Variants in OLFML2A observed in about 807,000 individuals in gnomAD.
The protein encoded by OLFML2A is olfactomedin-like protein 2A.
A neutral mutation model predicts 60.9 loss-of-function variants in OLFML2A; 47 were observed. That is an observed-to-expected ratio of 0.77 (90% CI 0.61 to 0.98). OLFML2A has a LOEUF of 0.98. Among genes scored for constraint, OLFML2A ranks in the 50% least tolerant of loss-of-function variants. The probability of loss-of-function intolerance (pLI) is 0.00; values close to 1 mark genes in which losing one functional copy is unlikely to be tolerated. For missense variants in OLFML2A, 922 were observed against 879.8 expected (o/e 1.05, Z -0.61); for synonymous variants, 372 against 375.0 (o/e 0.99, Z 0.09).
intron 7 of OLFML2A, among the ~76,000 whole-genome samples, chr9:124,809,252 C>T (rs975902639): frequency 1.3e-4 from 20 of 152,140 alleles, no homozygotes; most frequent in Non-Finnish European, 2.4e-4. Context: ...GCTCAAGCAG[C>T]GCACAGGGTG....
intron 5 of OLFML2A, among the ~76,000 whole-genome samples, chr9:124,802,638 G>C (rs751854854): frequency 3.3e-5 from 5 of 152,270 alleles, no homozygotes; most frequent in Admixed American, 6.5e-5. Flanking sequence ...AGCAAGGCCT[G>C]TGGGAACAGG....
chr9:124,813,919 A>C lies in OLFML2A; in HGVS notation c.*3507A>C. The C allele has an allele frequency of 6.6e-6, 1 of 152,152 alleles. No homozygotes were observed. The highest frequency in any genetic ancestry group is 1.5e-5 in the Non-Finnish European group (1 of 68,032). 9.4% of individuals were successfully genotyped at this position (152,152 alleles called of 1,614,324 possible). ...GGCTTTGTTGCTTTTGGCAAAAGGT[A>C]CTTCAAACAAGGGAGGGCCTGGACT... is the stretch of plus-strand genomic sequence containing the variant. On this transcript the variant is annotated 3_prime_UTR_variant, in exon 8 of 8. Transcript: ENST00000373580.
rs766357503 is a variant in OLFML2A, at chr9:124,810,148, G to A, written c.1695G>A (p.Thr565=). The part of the protein sequence containing the change: ...PGDLSVHRET[T]WKTRLRRNSY... ...ATCTCTCCGTGCACCGGGAGACCAC[G>A]TGGAAGACACGGCTGCGGCGGAACT... The change falls in exon 8 of 8, where the codon ACG becomes ACA. Residue 565 remains threonine, a synonymous_variant. Coordinates refer to ENST00000373580, the MANE Select transcript of OLFML2A (RefSeq NM_182487.4). The A allele has an allele frequency of 2.5e-6, 4 of 1,613,826 alleles. No individual in the cohort carries two copies. The highest frequency in any genetic ancestry group is 2.2e-5 in the South Asian group (2 of 91,086).
intron 3 of OLFML2A, among the ~76,000 whole-genome samples, chr9:124,795,475 T>C (rs961048426): frequency 5.3e-5 from 8 of 152,196 alleles, no homozygotes; most frequent in Non-Finnish European, 2.9e-5. Flanking sequence ...GATTCCTTGG[T>C]GGCTGGGCAT....
In OLFML2A at chr9:124,787,158, G is replaced by A. The variant is rs147454300; in HGVS notation, c.274G>A (p.Ala92Thr). 60 of 1,614,114 alleles carry A rather than the reference G, an allele frequency of 3.7e-5. No homozygotes were observed. In the African/African-American group the frequency reaches 7.1e-4, roughly 19 times the overall value. Residue 92 changes from alanine (A) to threonine (T), a missense_variant, in exon 2 of 8, where the codon GCA (alanine) becomes ACA (threonine). Transcript: ENST00000373580. The stretch of plus-strand genomic sequence containing the variant: ...CACTGACTGCCGCTGCTCCTGTACC[G>A]CACCTCCCTCCTCTCTCAACCCCTG... ...SGTDCRCSCT[A>T]PPSSLNPCEN...
chr9:124,800,973 C>A, intron 4 of OLFML2A: 1 of 1,546,448 alleles, frequency 6.5e-7, no homozygotes, highest in Non-Finnish European at 8.8e-7. Context: ...TAGGAATGTT[C>A]CAGGCACTCT....
chr9:124,806,027 A>G (rs1841891794), intron 6 of OLFML2A, among the ~76,000 whole-genome samples: 1 of 151,342 alleles, frequency 6.6e-6, no homozygotes, highest in African/African-American at 2.4e-5. Context: ...TGTTGACCAC[A>G]CTGGTCCTGA....
intron 3 of OLFML2A, among the ~76,000 whole-genome samples, chr9:124,797,543 A>G (rs1047316182): frequency 6.6e-6 from 1 of 152,228 alleles, no homozygotes; most frequent in Admixed American, 6.5e-5. Flanking sequence ...GACGTCAATC[A>G]CTTTTAGGTT....
In OLFML2A at chr9:124,804,252, GCCA is replaced by G. The variant is rs746934790; in HGVS notation, c.1090_1092del (p.Thr364del). 254 of 1,606,886 alleles carry G rather than the reference GCCA, an allele frequency of 1.6e-4. No individual in the cohort carries two copies. In the African/African-American group the frequency reaches 2.6e-3, roughly 17 times the overall value. ...TTCTGGCACCCCCACTTCAATCCCT[GCCA>G]CCACCACCACCGCCACCACCACCCC... On this transcript the variant is annotated inframe_deletion, in exon 6 of 8. Transcript: ENST00000373580.
At chr9:124,795,724 G>A (rs1056665947) in intron 3 of OLFML2A, among the ~76,000 whole-genome samples, 3 of 152,192 alleles carry the variant, frequency 2.0e-5, no homozygotes, top group Non-Finnish European at 2.9e-5. Context: ...GCAGTGAACC[G>A]AGATCGTGCC....
intron 1 of OLFML2A, among the ~76,000 whole-genome samples, chr9:124,783,135 G>A (rs1034442445): frequency 3.3e-5 from 5 of 150,972 alleles, no homozygotes; most frequent in Admixed American, 1.3e-4. Context: ...TCCTCCCCAC[G>A]CTCCCTGCCT....
chr9:124,787,509 T>A (rs2131249731), intron 2 of OLFML2A, among the ~76,000 whole-genome samples: 1 of 152,160 alleles, frequency 6.6e-6, no homozygotes, highest in Non-Finnish European at 1.5e-5. Flanking sequence ...TTACATTTTG[T>A]GGCAGTGGGT....
chr9:124,787,640 A>C (rs992306241), intron 2 of OLFML2A, among the ~76,000 whole-genome samples: 16 of 151,018 alleles, frequency 1.1e-4, no homozygotes, highest in Non-Finnish European at 1.8e-4. Flanking sequence ...GCTTGCTGCA[A>C]CCTCCGTCCC....
Position 124,806,295 on chromosome 9 carries a change from A to G in OLFML2A, c.1169-1486A>G, listed in dbSNP as rs1013352517. Among the ~76,000 whole-genome samples the G allele has an allele frequency of 2.0e-5, 3 of 152,300 alleles. No individual in the cohort carries two copies. The East Asian group carries it at 5.8e-4, about 29-fold the overall frequency. ...ACTGCAGAAAGAATAATTTTTTTAA[A>G]TGTGTGTATTTATAATGTACAACAT... On this transcript the variant is annotated intron_variant, in intron 6 of 7. Coordinates refer to ENST00000373580, the MANE Select transcript of OLFML2A (RefSeq NM_182487.4).
intron 6 of OLFML2A, among the ~76,000 whole-genome samples, chr9:124,806,899 C>T (rs1009329351): frequency 2.7e-5 from 4 of 150,698 alleles, no homozygotes; most frequent in Non-Finnish European, 4.4e-5. Flanking sequence ...TGAGCCACCG[C>T]GCCCAGCCAA....
chr9:124,784,943 G>GGTTTTTT, intron 1 of OLFML2A, among the ~76,000 whole-genome samples: 1 of 69,542 alleles, frequency 1.4e-5, no homozygotes, highest in Non-Finnish European at 2.5e-5. Context: ...CCTTTTACTT[G>GGTTTTTT]TTTTTTTTTT....
chr9:124,800,874 C>T (rs1841760313), intron 4 of OLFML2A: 1 of 1,477,472 alleles, frequency 6.8e-7, no homozygotes, highest in African/African-American at 1.4e-5. Context: ...TTAGAAATGG[C>T]ATATCCTAGA....
intron 2 of OLFML2A, among the ~76,000 whole-genome samples, chr9:124,792,552 A>G (rs1841587740): frequency 6.6e-6 from 1 of 152,092 alleles, no homozygotes; most frequent in Admixed American, 6.6e-5. Flanking sequence ...GGCCTGGAGG[A>G]GGGTGGCAGG....
At chr9:124,789,134 T>C (rs1229555789) in intron 2 of OLFML2A, among the ~76,000 whole-genome samples, 1 of 152,210 alleles carries the variant, frequency 6.6e-6, no homozygotes, top group African/African-American at 2.4e-5. Flanking sequence ...CTTGCTATGT[T>C]GCTCAGGCTA....
Sources: allele counts gnomAD v4.1 joint callset (sites outside exome capture counted in the v4.1 genomes callset), GRCh38; gene constraint gnomAD v4.1.1; transcripts MANE v1.5; gene names NCBI Gene and HGNC (gene_info 2026-07-23, HGNC 2026-07-21).